SDHAF2: variants seen among roughly 807,000 people sequenced by gnomAD.
The protein encoded by SDHAF2 is succinate dehydrogenase assembly factor 2, mitochondrial.
A neutral mutation model predicts 18.5 loss-of-function variants in SDHAF2; 21 were observed. That is an observed-to-expected ratio of 1.13 (90% CI 0.80 to 1.63). The LOEUF is 1.63. SDHAF2 is among the 40% of genes most tolerant of loss of function. SDHAF2 has a pLI of 0.00. For synonymous variants in SDHAF2, 84 were observed against 70.7 expected (o/e 1.19, Z -0.94); for missense variants, 195 against 200.3 (o/e 0.97, Z 0.16).
rs1325242456 is a variant in SDHAF2 at position 61,446,247 on chromosome 11, G to A, written c.*176G>A. 4.2e-6 allele frequency: 3 copies of A among 707,816 alleles called. No homozygotes were observed. Among genetic ancestry groups the A allele is most frequent in the Non-Finnish European group, 7.5e-6 (3 of 400,938 alleles). The allele number at this position is 707,816 out of a possible 1,614,324, so 43.8% of individuals were successfully genotyped here. On this transcript the variant is annotated 3_prime_UTR_variant, in exon 4 of 4. Transcript: ENST00000301761. ...GGACATACATGTAAATGCACAATGT[G>A]ACTCATTCTCATACTTTTTTGTTCA...
Position 61,446,594 on chromosome 11 carries a change from C to T in SDHAF2, c.*523C>T. 2.3e-6 allele frequency: 1 copy of T among 433,524 alleles called. No individual in the cohort carries two copies. Among genetic ancestry groups the T allele is most frequent in the Non-Finnish European group, 4.1e-6 (1 of 245,702 alleles). 26.9% of individuals were successfully genotyped at this position (433,524 alleles called of 1,614,324 possible). ...TCCTGAGCTGAATCCTTCAAAGGCA[C>T]AGCAGGCAGAATGAGGGCCACAGGC... On this transcript the variant is annotated 3_prime_UTR_variant, in exon 4 of 4. Transcript: ENST00000301761.
intron 1 of SDHAF2, chr11:61,436,643 G>A (rs1305906064): frequency 2.8e-6 from 1 of 356,894 alleles, no homozygotes; most frequent in Non-Finnish European, 5.5e-6. Context: ...TGCTTGAGCA[G>A]GGAGGGAAGA....
At chr11:61,430,257 T>G in intron 1 of SDHAF2, 75 bp downstream of exon 1, 72 of 1,584,732 alleles carry the variant, frequency 4.5e-5, no homozygotes, top group Middle Eastern at 1.7e-4. Context: ...CTGTGGTCTC[T>G]ATCTTGGGGA....
chr11:61,437,609 G>A lies in SDHAF2; in HGVS notation c.37-16G>A. The stretch of plus-strand genomic sequence containing the variant: ...TCGTCATTATTGTAAAGATGTTTGT[G>A]GTTTGTTCATTTCAGATGCTTGCTC... On this transcript the variant is annotated splice_polypyrimidine_tract_variant and intron_variant, in intron 1 of 3. Transcript: ENST00000301761. 6.3e-7 allele frequency: 1 copy of A among 1,592,536 alleles called. No individual in the cohort carries two copies. Among genetic ancestry groups the A allele is most frequent in the Non-Finnish European group, 8.6e-7 (1 of 1,160,360 alleles).
At chr11:61,431,289 C>T (rs1861900900) in intron 1 of SDHAF2, 1 of 152,300 alleles carries the variant, frequency 6.6e-6, no homozygotes, top group Non-Finnish European at 1.5e-5. Context: ...TCCCAAAGTG[C>T]TGAGATTACA....
chr11:61,437,893 A>G, intron 2 of SDHAF2, 45 bp downstream of exon 2: 1 of 1,587,398 alleles, frequency 6.3e-7, no homozygotes, highest in Non-Finnish European at 8.6e-7. Context: ...CAGCTTCCTG[A>G]GCCAGAGTAG....
At chr11:61,432,249 C>T (rs2135442132) in intron 1 of SDHAF2, 1 of 152,182 alleles carries the variant, frequency 6.6e-6, no homozygotes, top group East Asian at 1.9e-4. Context: ...GAGACCTTGT[C>T]TCAAAAAATA....
rs146268008 is a variant in SDHAF2, at chr11:61,438,825, G to A, written c.370+712G>A. 2.9e-3 allele frequency among the ~76,000 whole-genome samples: 437 copies of A among 152,186 alleles called. 1 individual carries two copies. Among genetic ancestry groups the A allele is most frequent in the Non-Finnish European group, 4.7e-3 (319 of 68,008 alleles). On this transcript the variant is annotated intron_variant, in intron 3 of 3. Transcript: ENST00000301761. ...TTTGGGAGGCTGAGGCGGATGGATC[G>A]CTTGAGGTTAGGAGCTTGAGAGCAG...
At position 61,437,046 on chromosome 11, in the gene SDHAF2, G is replaced by A. The variant is rs527366549; in HGVS notation, c.37-579G>A. 23 of 1,170,722 alleles carry A rather than the reference G, an allele frequency of 2.0e-5. No individual in the cohort carries two copies. The East Asian group carries it at 1.3e-3, about 66-fold the overall frequency. The allele number at this position is 1,170,722 out of a possible 1,614,324, so 72.5% of individuals were successfully genotyped here. On this transcript the variant is annotated intron_variant, in intron 1 of 3. Transcript: ENST00000301761. ...AATTATTTCTGCTGGGATAGTTTCT[G>A]GAAAGGCACTGGTTAGGGACACATT... is the stretch of plus-strand genomic sequence containing the variant.
At chr11:61,445,829 C>T (rs1862130562) in intron 3 of SDHAF2, 112 bp from the exon 4 acceptor site, 3 of 1,206,092 alleles carry the variant, frequency 2.5e-6, no homozygotes, top group Non-Finnish European at 3.7e-6. Flanking sequence ...AGGATGGAGA[C>T]AGTCTATATA....
chr11:61,442,549 A>G (rs962623915), intron 3 of SDHAF2, among the ~76,000 whole-genome samples: 3 of 152,128 alleles, frequency 2.0e-5, no homozygotes, highest in East Asian at 3.8e-4. Context: ...TGATATTTAT[A>G]TATGTAGGCA....
chr11:61,436,932 T>C (rs1862001329), intron 1 of SDHAF2: 3 of 1,277,618 alleles, frequency 2.3e-6, no homozygotes, highest in South Asian at 1.3e-5. Context: ...GGGATCATGC[T>C]GTCTCTGTGT....
chr11:61,439,898 C>T (rs1230220134), intron 3 of SDHAF2, among the ~76,000 whole-genome samples: 3 of 152,220 alleles, frequency 2.0e-5, no homozygotes, highest in Non-Finnish European at 4.4e-5. Flanking sequence ...AATGAAGCCA[C>T]TGTAAACATT....
intron 1 of SDHAF2, 104 bp from the exon 2 acceptor site, chr11:61,437,521 G>A: frequency 1.9e-6 from 2 of 1,040,340 alleles, no homozygotes; most frequent in Non-Finnish European, 3.0e-6. Context: ...ATTTCCTCAT[G>A]ACTAAATGTG....
chr11:61,439,556 G>A (rs1282866192), intron 3 of SDHAF2, among the ~76,000 whole-genome samples: 2 of 152,198 alleles, frequency 1.3e-5, no homozygotes, highest in Non-Finnish European at 2.9e-5. Context: ...CTCCGGGACT[G>A]CTGTTTTTGT....
chr11:61,430,241 C>T lies in SDHAF2; in HGVS notation c.36+59C>T, dbSNP rs955621767. 68 of 1,606,036 alleles carry T rather than the reference C, an allele frequency of 4.2e-5. 1 individual carries two copies. The highest frequency in any genetic ancestry group is 5.6e-5 in the Non-Finnish European group (66 of 1,173,476). On this transcript the variant is annotated intron_variant, in intron 1 of 3. Transcript: ENST00000301761. ...GGCGGCAGCGGGGATTACCCTTTGT[C>T]TTCCTCTGTGGTCTCTATCTTGGGG...
intron 3 of SDHAF2, 117 bp downstream of exon 3, chr11:61,438,230 A>C (rs775072267): frequency 4.7e-5 from 37 of 792,930 alleles, no homozygotes; most frequent in African/African-American, 7.2e-5. Flanking sequence ...ACTGAGTTTC[A>C]CTCTCGTTGC....
rs1312756692 is a variant in SDHAF2 at position 61,437,676 on chromosome 11, T to A, written c.88T>A (p.Ser30Thr). The change falls in exon 2 of 4, where the codon TCA (serine) becomes ACA (threonine). Residue 30 changes from serine (S) to threonine (T), a missense_variant. Transcript: ENST00000301761. ...SLLSPLLSVT[S>T]FRRFYRGDSP... ...ATTGTCTCCTTTGCTCAGTGTGACA[T>A]CATTCAGACGCTTCTACAGAGGTGA... 6.2e-7 allele frequency: 1 copy of A among 1,614,224 alleles called. No individual in the cohort carries two copies. Among genetic ancestry groups the A allele is most frequent in the South Asian group, 1.1e-5 (1 of 91,086 alleles).
At chr11:61,441,366 A>G (rs1862063315) in intron 3 of SDHAF2, among the ~76,000 whole-genome samples, 1 of 151,978 alleles carries the variant, frequency 6.6e-6, no homozygotes. Context: ...CCCCGTCTCT[A>G]CTAAAAATAC....
Sources: gnomAD v4.1 joint callset for allele counts (sites outside exome capture counted in the v4.1 genomes callset) on GRCh38, gnomAD v4.1.1 for gene constraint, MANE v1.5 for transcripts, NCBI Gene and HGNC (gene_info 2026-07-23, HGNC 2026-07-21) for gene names.